The following ASCC1 variants were observed in gnomAD, a reference collection of about 807,000 sequenced individuals.
ASCC1 encodes activating signal cointegrator 1 complex subunit 1.
ASCC1 carries 35 observed loss-of-function variants against 46.6 expected under a neutral mutation model. The ratio of observed to expected loss-of-function variants is 0.75; its 90% CI spans 0.57 to 0.99. ASCC1 has a LOEUF of 0.99. Ranked by LOEUF, ASCC1 falls within the 50% of genes least tolerant of loss-of-function variation. The pLI is 0.00. For missense variants in ASCC1, 376 were observed against 428.7 expected (o/e 0.88, Z 1.09); for synonymous variants, 143 against 146.6 (o/e 0.98, Z 0.18).
At chr10:72,144,942 C>A (rs1488109184) in intron 7 of ASCC1, among the ~76,000 whole-genome samples, 1 of 152,080 alleles carries the variant, frequency 6.6e-6, no homozygotes, top group Non-Finnish European at 1.5e-5. Flanking sequence ...CGAAATATAC[C>A]CTTTAGAAGT....
chr10:72,136,176 C>G (rs749396778), intron 7 of ASCC1, among the ~76,000 whole-genome samples: 12 of 152,186 alleles, frequency 7.9e-5, no homozygotes, highest in Middle Eastern at 3.2e-3. Context: ...GTAAATGCCA[C>G]TGAGAGGTTA....
At chr10:72,099,956 T>C (rs1395439092) in intron 9 of ASCC1, among the ~76,000 whole-genome samples, 1 of 152,212 alleles carries the variant, frequency 6.6e-6, no homozygotes, top group Non-Finnish European at 1.5e-5. Context: ...CGTAGCAATA[T>C]GGTATTTCCG....
intron 5 of ASCC1, among the ~76,000 whole-genome samples, chr10:72,185,744 A>G (rs1853360690): frequency 6.6e-6 from 1 of 152,188 alleles, no homozygotes; most frequent in East Asian, 1.9e-4. Flanking sequence ...TGGTTGTTAC[A>G]CTGGTGTATA....
At chr10:72,153,126 C>A in intron 6 of ASCC1, 138 bp from the exon 7 acceptor site, 1 of 1,123,760 alleles carries the variant, frequency 8.9e-7, no homozygotes, top group Non-Finnish European at 1.3e-6. Flanking sequence ...TGTGTTTTTT[C>A]CTAACATTAT....
At chr10:72,121,095 T>C (rs1483032714) in intron 9 of ASCC1, among the ~76,000 whole-genome samples, 2 of 152,134 alleles carry the variant, frequency 1.3e-5, no homozygotes, top group African/African-American at 4.8e-5. Context: ...ATTAAAATAA[T>C]AATAATAAAG....
intron 5 of ASCC1, chr10:72,189,847 T>G: frequency 2.0e-6 from 1 of 512,446 alleles, no homozygotes; most frequent in Middle Eastern, 5.6e-4. Flanking sequence ...GAACCATTGT[T>G]CTATTTTATT....
intron 9 of ASCC1, among the ~76,000 whole-genome samples, chr10:72,127,660 G>GGTTCTT (rs1554827501): frequency 5.4e-4 from 47 of 86,896 alleles, no homozygotes; most frequent in African/African-American, 3.4e-3. Flanking sequence ...ATACCTAAGG[G>GGTTCTT]TTTCTTTTTT....
At chr10:72,181,633 A>C (rs1321957001) in intron 5 of ASCC1, among the ~76,000 whole-genome samples, 1 of 151,996 alleles carries the variant, frequency 6.6e-6, no homozygotes, top group East Asian at 1.9e-4. Context: ...TGGAAAACTG[A>C]AGCAGAGAAA....
chr10:72,182,232 T>C (rs538889761), intron 5 of ASCC1, among the ~76,000 whole-genome samples: 28 of 152,284 alleles, frequency 1.8e-4, no homozygotes, highest in Non-Finnish European at 2.9e-4. Flanking sequence ...AACATACACC[T>C]AACCATGAAA....
At chr10:72,192,519 AG>A (rs1854691686) in intron 5 of ASCC1, among the ~76,000 whole-genome samples, 1 of 152,008 alleles carries the variant, frequency 6.6e-6, no homozygotes, top group Non-Finnish European at 1.5e-5. Context: ...TTGTTGAGAC[AG>A]TCTCACTTTG....
At chr10:72,150,979 C>A (rs184867817) in intron 7 of ASCC1, among the ~76,000 whole-genome samples, 1 of 152,154 alleles carries the variant, frequency 6.6e-6, no homozygotes, top group Non-Finnish European at 1.5e-5. Flanking sequence ...GAAATAGGAA[C>A]GCTTTTACAC....
chr10:72,145,276 T>A lies in ASCC1; in HGVS notation c.746+7593A>T, dbSNP rs184142210. ...CTTTTTATGTATTGTTTGCATTTAA[T>A]CTTTTTCCTCTTATCTACTGCTTCT... On this transcript the variant is annotated intron_variant, in intron 7 of 9. Transcript: ENST00000672957. 1.1e-4 allele frequency among the ~76,000 whole-genome samples: 17 copies of A among 152,332 alleles called. 1 individual carries two copies. The highest frequency in any genetic ancestry group is 4.6e-4 in the Admixed American group (7 of 15,298).
At chr10:72,142,218 T>C (rs147104033) in intron 7 of ASCC1, among the ~76,000 whole-genome samples, 6 of 152,356 alleles carry the variant, frequency 3.9e-5, no homozygotes, top group African/African-American at 1.4e-4. Context: ...ATTTTTTAAT[T>C]TGACCCATTT....
chr10:72,115,544 G>A (rs1467554412), intron 9 of ASCC1, among the ~76,000 whole-genome samples: 9 of 152,220 alleles, frequency 5.9e-5, no homozygotes, highest in Non-Finnish European at 1.3e-4. Flanking sequence ...AGTAGCTCCA[G>A]AGTCAGGAAG....
chr10:72,182,598 G>A (rs1444246454), intron 5 of ASCC1, among the ~76,000 whole-genome samples: 4 of 152,034 alleles, frequency 2.6e-5, no homozygotes, highest in Non-Finnish European at 5.9e-5. Flanking sequence ...AGTCTAAAGA[G>A]GACTGTATTA....
intron 9 of ASCC1, among the ~76,000 whole-genome samples, chr10:72,111,023 C>T (rs1427381101): frequency 6.6e-6 from 1 of 152,158 alleles, no homozygotes. Flanking sequence ...TGAGTAGCAC[C>T]ACTGTAACTT....
At chr10:72,165,186 C>T (rs1850189099) in intron 5 of ASCC1, among the ~76,000 whole-genome samples, 1 of 152,096 alleles carries the variant, frequency 6.6e-6, no homozygotes, top group Admixed American at 6.5e-5. Flanking sequence ...GCAATCTTGG[C>T]TCACTGCAAC....
chr10:72,161,617 C>A lies in ASCC1; in HGVS notation c.547G>T (p.Gly183Trp). ...TCCTCACTCAAAAGCACCAACATCCCAATAGTTAGATGAAGCTTTTTAGGA... is the reference window on the plus strand; with the variant it reads ...TCCTCACTCAAAAGCACCAACATCCAAATAGTTAGATGAAGCTTTTTAGGA... ...QNPKKLHLTIGMLVLLSEEEI... is the reference protein window; with the variant it reads ...QNPKKLHLTIWMLVLLSEEEI... Residue 183 changes from glycine (G) to tryptophan (W), a missense_variant, in exon 6 of 10, where the codon GGG becomes TGG. Physicochemically the swap from Gly to Trp is radical, Grantham distance 184 (BLOSUM62 -2). Transcript: ENST00000672957. 1 of 1,614,086 alleles carries A rather than the reference C, an allele frequency of 6.2e-7. No individual in the cohort carries two copies. The highest frequency in any genetic ancestry group is 8.5e-7 in the Non-Finnish European group (1 of 1,180,004).
chr10:72,149,951 C>T (rs999144621), intron 7 of ASCC1, among the ~76,000 whole-genome samples: 1 of 151,902 alleles, frequency 6.6e-6, no homozygotes, highest in Non-Finnish European at 1.5e-5. Context: ...TTTGGGAGGC[C>T]GAGGCAGGTG....
Sources: gnomAD v4.1 joint callset for allele counts (sites outside exome capture counted in the v4.1 genomes callset) on GRCh38, gnomAD v4.1.1 for gene constraint, MANE v1.5 for transcripts, NCBI Gene and HGNC (gene_info 2026-07-23, HGNC 2026-07-21) for gene names.